Variants in GRAMD2B observed in about 807,000 individuals in gnomAD.
GRAMD2B encodes the protein GRAM domain-containing protein 2B.
Under a neutral mutation model 59.2 loss-of-function variants are expected in GRAMD2B, and 41 were observed. The ratio of observed to expected loss-of-function variants is 0.69; its 90% CI spans 0.54 to 0.90. The LOEUF (loss-of-function observed/expected upper bound fraction) is 0.90. Among genes scored for constraint, GRAMD2B ranks in the 40% least tolerant of loss-of-function variants. The probability of loss-of-function intolerance (pLI) is 0.00; values close to 1 mark genes in which losing one functional copy is unlikely to be tolerated. For missense variants in GRAMD2B, 424 were observed against 500.5 expected (o/e 0.85, Z 1.46); for synonymous variants, 161 against 182.7 (o/e 0.88, Z 0.96).
chr5:126,488,960 C>A, intron 13 of GRAMD2B, 68 bp downstream of exon 13: 2 of 1,094,304 alleles, frequency 1.8e-6, no homozygotes, highest in Non-Finnish European at 1.4e-6. Flanking sequence ...TAGGTCAGGT[C>A]AGGGATTACA....
chr5:126,457,727 C>T (rs566105272), intron 1 of GRAMD2B, among the ~76,000 whole-genome samples: 5 of 149,216 alleles, frequency 3.4e-5, no homozygotes, highest in Non-Finnish European at 7.4e-5. Flanking sequence ...TACAGCATCC[C>T]AGGCAGAGGG....
At chr5:126,409,868 A>C (rs1230077325) in intron 1 of GRAMD2B, among the ~76,000 whole-genome samples, 1 of 151,966 alleles carries the variant, frequency 6.6e-6, no homozygotes, top group Non-Finnish European at 1.5e-5. Context: ...TTTTTGTATA[A>C]GGTGTAAGGG....
At position 126,411,737 on chromosome 5, in the gene GRAMD2B, A is replaced by G. The variant is rs569068962; in HGVS notation, c.125+40170A>G. ...ATATTGATTTTTCCAATCCATGAAC[A>G]TGGAGTGTTTTTCCATTTGTTTGTG... On this transcript the variant is annotated intron_variant, in intron 1 of 8. Coordinates refer to the GRAMD2B transcript ENST00000506445. Among the ~76,000 whole-genome samples, 10 of 152,098 alleles carry G rather than the reference A, an allele frequency of 6.6e-5. No individual in the cohort carries two copies. In the East Asian group the frequency reaches 1.9e-3, roughly 29 times the overall value.
At chr5:126,392,775 T>C (rs1465914193) in intron 1 of GRAMD2B, among the ~76,000 whole-genome samples, 1 of 152,070 alleles carries the variant, frequency 6.6e-6, no homozygotes, top group African/African-American at 2.4e-5. Flanking sequence ...CCACCTCAGA[T>C]CATCAGGCAT....
chr5:126,403,881 A>G (rs934761839), intron 1 of GRAMD2B, among the ~76,000 whole-genome samples: 5 of 151,920 alleles, frequency 3.3e-5, no homozygotes, highest in African/African-American at 1.2e-4. Context: ...ACCAACTTAT[A>G]AAGTTCACAG....
At chr5:126,409,108 G>A in intron 1 of GRAMD2B, among the ~76,000 whole-genome samples, 2 of 151,694 alleles carry the variant, frequency 1.3e-5, no homozygotes, top group Non-Finnish European at 2.9e-5. Flanking sequence ...ATTTGGGTTG[G>A]TTCCAAGTCT....
chr5:126,379,855 G>C (rs1414365782), intron 1 of GRAMD2B, among the ~76,000 whole-genome samples: 1 of 152,148 alleles, frequency 6.6e-6, no homozygotes, highest in African/African-American at 2.4e-5. Context: ...CACTCTGTGG[G>C]TTGTCTGTTT....
Position 126,466,184 on chromosome 5 carries a change from T to A in GRAMD2B, c.203+639T>A, listed in dbSNP as rs139350565. On this transcript the variant is annotated intron_variant, in intron 2 of 13. Transcript: ENST00000285689. Reference sequence around the variant, plus strand: ...TTATCTAAACTGAGTACAGAAATCATTGTGGTCCTTCACCATTATTAGAAC... The same window carrying A: ...TTATCTAAACTGAGTACAGAAATCAATGTGGTCCTTCACCATTATTAGAAC... 11 of 1,500,060 alleles carry A rather than the reference T, an allele frequency of 7.3e-6. No individual in the cohort carries two copies. The South Asian group carries it at 1.4e-4, about 20-fold the overall frequency. The allele number at this position is 1,500,060 out of a possible 1,614,324, so 92.9% of individuals were successfully genotyped here.
chr5:126,361,820 G>T (rs906545374), intron 1 of GRAMD2B, among the ~76,000 whole-genome samples: 16 of 152,136 alleles, frequency 1.1e-4, no homozygotes, highest in African/African-American at 3.4e-4. Context: ...TGGGTTAATT[G>T]CTCACTGTGG....
chr5:126,462,900 T>C (rs137934154), intron 1 of GRAMD2B, among the ~76,000 whole-genome samples: 104 of 152,310 alleles, frequency 6.8e-4, no homozygotes, highest in African/African-American at 2.3e-3. Flanking sequence ...AAAAAGCTAC[T>C]TTGAGTACAC....
chr5:126,366,993 T>C (rs1176338838), upstream of GRAMD2B, among the ~76,000 whole-genome samples: 1 of 152,076 alleles, frequency 6.6e-6, no homozygotes, highest in East Asian at 1.9e-4. Context: ...TAGCTGGGAT[T>C]ACAGGCCACG....
At chr5:126,481,792 C>A (rs1436458054) in intron 8 of GRAMD2B, among the ~76,000 whole-genome samples, 1 of 151,906 alleles carries the variant, frequency 6.6e-6, no homozygotes, top group African/African-American at 2.4e-5. Flanking sequence ...ATATTGAAAC[C>A]CTGTCTCTGC....
At chr5:126,396,168 CT>C (rs1340331056) in intron 1 of GRAMD2B, among the ~76,000 whole-genome samples, 2 of 152,082 alleles carry the variant, frequency 1.3e-5, no homozygotes, top group East Asian at 3.9e-4. Context: ...AATTTTCTTT[CT>C]TTTTTTCAAT....
intron 5 of GRAMD2B, 29 bp from the exon 6 acceptor site, chr5:126,477,663 C>G (rs2126876893): frequency 8.5e-7 from 1 of 1,174,214 alleles, no homozygotes; most frequent in Non-Finnish European, 1.3e-6. Flanking sequence ...CAAGTCTGAA[C>G]TGGCATTAAC....
intron 1 of GRAMD2B, among the ~76,000 whole-genome samples, chr5:126,457,180 A>G (rs1182101984): frequency 2.0e-4 from 22 of 112,514 alleles, no homozygotes; most frequent in Admixed American, 1.1e-4. Context: ...CGACAGTGCG[A>G]GACTCCGTCT....
At chr5:126,383,206 T>G (rs1755811465) in intron 1 of GRAMD2B, among the ~76,000 whole-genome samples, 1 of 152,246 alleles carries the variant, frequency 6.6e-6, no homozygotes, top group Non-Finnish European at 1.5e-5. Context: ...CATTAAAAGC[T>G]TTTGATTTTT....
intron 2 of GRAMD2B, chr5:126,467,343 C>T (rs1047432794): frequency 2.6e-5 from 4 of 151,746 alleles, no homozygotes; most frequent in Non-Finnish European, 4.4e-5. Context: ...TAAAGGACCC[C>T]ACATTTTCAT....
At chr5:126,418,813 T>G (rs1279475662), upstream of GRAMD2B, among the ~76,000 whole-genome samples, 1 of 152,234 alleles carries the variant, frequency 6.6e-6, no homozygotes, top group African/African-American at 2.4e-5. Flanking sequence ...TGTCACTGTG[T>G]GTTTCTCTTC....
intron 12 of GRAMD2B, among the ~76,000 whole-genome samples, chr5:126,488,287 G>A (rs1016037569): frequency 3.9e-5 from 6 of 152,046 alleles, no homozygotes; most frequent in African/African-American, 1.2e-4. Flanking sequence ...AGTGGCTCAC[G>A]CCTGATTATG....
Sources: allele counts gnomAD v4.1 joint callset (sites outside exome capture counted in the v4.1 genomes callset), GRCh38; gene constraint gnomAD v4.1.1; transcripts MANE v1.5; gene names NCBI Gene and HGNC (gene_info 2026-07-23, HGNC 2026-07-21).